The following GRM7 variants were observed in gnomAD, a reference collection of about 807,000 sequenced individuals.
GRM7 encodes glutamate metabotropic receptor 7.
A neutral mutation model predicts 84.5 loss-of-function variants in GRM7; 35 were observed. That is an observed-to-expected ratio of 0.41 (90% CI 0.32 to 0.55). GRM7 has a LOEUF of 0.55. Among genes scored for constraint, GRM7 ranks in the 20% least tolerant of loss-of-function variants. The probability of loss-of-function intolerance (pLI) is 0.19; values close to 1 mark genes in which losing one functional copy is unlikely to be tolerated. For synonymous variants in GRM7, 487 were observed against 455.1 expected, an observed-to-expected ratio of 1.07 and a Z score of -0.89; for missense variants, 1,003 against 1,194.6, an observed-to-expected ratio of 0.84 and a Z score of 2.36.
Position 7,103,078 on chromosome 3 carries a change from A to G in GRM7, c.520-43374A>G, listed in dbSNP as rs564263748. 3.3e-5 allele frequency among the ~76,000 whole-genome samples: 5 copies of G among 151,890 alleles called. No homozygotes were observed. The South Asian group carries it at 1.0e-3, about 32-fold the overall frequency. On this transcript the variant is annotated intron_variant, in intron 1 of 9. Transcript: ENST00000357716. Reference sequence around the variant, plus strand: ...CCACTGATTTTCTTTCCCTCTTGATAATGTAACTGTTTTTATCTTATATGT... The same window carrying G: ...CCACTGATTTTCTTTCCCTCTTGATGATGTAACTGTTTTTATCTTATATGT...
intron 1 of GRM7, chr3:6,892,621 A>G (rs1428078540): frequency 6.6e-6 from 1 of 152,122 alleles, no homozygotes; most frequent in East Asian, 1.9e-4. Flanking sequence ...AGAAGGAAGA[A>G]TTGGAGCCAA....
At chr3:7,492,135 C>T (rs569122878) in intron 7 of GRM7, among the ~76,000 whole-genome samples, 29 of 152,194 alleles carry the variant, frequency 1.9e-4, no homozygotes, top group South Asian at 1.0e-3. Flanking sequence ...GGATTTTTTA[C>T]GTAAACTAAT....
chr3:7,356,593 A>C (rs1446481759), intron 4 of GRM7, among the ~76,000 whole-genome samples: 4 of 151,720 alleles, frequency 2.6e-5, no homozygotes, highest in Non-Finnish European at 4.4e-5. Flanking sequence ...ATAAGCCACC[A>C]CTCCCGGCCA....
At chr3:7,358,996 A>C (rs1693538026) in intron 4 of GRM7, among the ~76,000 whole-genome samples, 1 of 151,840 alleles carries the variant, frequency 6.6e-6, no homozygotes, top group Non-Finnish European at 1.5e-5. Context: ...GCACAAGCCT[A>C]TAATCCCAGC....
At chr3:7,667,582 T>C (rs775192756) in intron 8 of GRM7, among the ~76,000 whole-genome samples, 25 of 152,270 alleles carry the variant, frequency 1.6e-4, no homozygotes, top group Non-Finnish European at 3.2e-4. Context: ...TAGTTTCATT[T>C]CAGAAGTCAG....
rs1225984356 is a variant in GRM7 at position 7,667,471 on chromosome 3, T to C, written c.2452-12578T>C. On this transcript the variant is annotated intron_variant, in intron 8 of 9. Transcript: ENST00000357716. ...AACCACCAACACACAAAAAGTATGG[T>C]GATCCCATAAGCTAAACTTGAATAG... 2.0e-5 allele frequency among the ~76,000 whole-genome samples: 3 copies of C among 152,112 alleles called. 1 individual carries two copies. The South Asian group carries it at 6.2e-4, about 32-fold the overall frequency.
At chr3:7,197,469 C>A (rs949317853) in intron 2 of GRM7, among the ~76,000 whole-genome samples, 2 of 152,042 alleles carry the variant, frequency 1.3e-5, no homozygotes, top group Non-Finnish European at 2.9e-5. Context: ...ATGGTTTCCC[C>A]AAAGCTGTGA....
chr3:6,906,102 A>T (rs556524657), intron 1 of GRM7, among the ~76,000 whole-genome samples: 34 of 152,308 alleles, frequency 2.2e-4, no homozygotes, highest in African/African-American at 8.2e-4. Context: ...GGAATAATTC[A>T]TACAGTTTCA....
At chr3:7,500,373 G>A (rs983813157) in intron 7 of GRM7, among the ~76,000 whole-genome samples, 6 of 152,246 alleles carry the variant, frequency 3.9e-5, no homozygotes, top group African/African-American at 1.2e-4. Context: ...ATTCAGAGTC[G>A]GTGTTTGCTT....
chr3:7,337,215 A>G (rs1350322204), intron 4 of GRM7, among the ~76,000 whole-genome samples: 1 of 152,128 alleles, frequency 6.6e-6, no homozygotes, highest in Non-Finnish European at 1.5e-5. Context: ...GGCAAGCCAC[A>G]CGTCGAAGAA....
chr3:7,580,884 A>T (rs980913858), intron 8 of GRM7, among the ~76,000 whole-genome samples: 12 of 142,944 alleles, frequency 8.4e-5, no homozygotes, highest in African/African-American at 2.9e-4. Context: ...AATACAATAG[A>T]GAGAAGAAAA....
chr3:7,372,343 G>A (rs1213991244), intron 4 of GRM7, among the ~76,000 whole-genome samples: 1 of 152,128 alleles, frequency 6.6e-6, no homozygotes, highest in Non-Finnish European at 1.5e-5. Flanking sequence ...TCCATTTTGT[G>A]TCCTCAGTTG....
At chr3:7,185,701 C>G (rs926778856) in intron 2 of GRM7, among the ~76,000 whole-genome samples, 1 of 152,206 alleles carries the variant, frequency 6.6e-6, no homozygotes, top group East Asian at 1.9e-4. Flanking sequence ...GCTTGGGCCT[C>G]CCATCCTGTG....
intron 2 of GRM7, among the ~76,000 whole-genome samples, chr3:7,200,900 G>A (rs1295002232): frequency 6.6e-6 from 1 of 150,538 alleles, no homozygotes; most frequent in Non-Finnish European, 1.5e-5. Context: ...ACCTGGGGTG[G>A]TTCTTATATC....
chr3:7,536,613 C>A (rs1486013310), intron 7 of GRM7, among the ~76,000 whole-genome samples: 1 of 152,200 alleles, frequency 6.6e-6, no homozygotes, highest in Non-Finnish European at 1.5e-5. Context: ...TGACAGACAG[C>A]ATGACTTCTA....
chr3:7,677,695 A>G (rs529442193), intron 8 of GRM7, among the ~76,000 whole-genome samples: 73 of 152,238 alleles, frequency 4.8e-4, no homozygotes, highest in Non-Finnish European at 8.1e-4. Context: ...ACTTCATAAA[A>G]TAAACATGAT....
intron 4 of GRM7, among the ~76,000 whole-genome samples, chr3:7,374,112 A>G (rs1694247498): frequency 6.6e-6 from 1 of 152,100 alleles, no homozygotes; most frequent in Non-Finnish European, 1.5e-5. Context: ...GTTTCCACAC[A>G]AAACAAAGTC....
At chr3:7,730,413 T>TAC (rs1702283913) in intron 9 of GRM7, among the ~76,000 whole-genome samples, 3 of 152,220 alleles carry the variant, frequency 2.0e-5, no homozygotes, top group African/African-American at 7.2e-5. Context: ...GCTACATCCC[T>TAC]ATTGCCTAAA....
intron 4 of GRM7, among the ~76,000 whole-genome samples, chr3:7,365,674 C>T (rs1450225033): frequency 7.2e-6 from 1 of 139,628 alleles, no homozygotes; most frequent in Non-Finnish European, 1.5e-5. Flanking sequence ...TACACACACG[C>T]ACACACACAC....
Sources: allele counts gnomAD v4.1 joint callset (sites outside exome capture counted in the v4.1 genomes callset), GRCh38; gene constraint gnomAD v4.1.1; transcripts MANE v1.5; gene names NCBI Gene and HGNC (gene_info 2026-07-23, HGNC 2026-07-21).